SLC6A12: variants seen among roughly 807,000 people sequenced by gnomAD.
SLC6A12 encodes sodium- and chloride-dependent betaine transporter.
In SLC6A12, 50 loss-of-function variants were observed where a neutral mutation model predicts 73.3. The ratio of observed to expected loss-of-function variants is 0.68; its 90% CI spans 0.54 to 0.86. The LOEUF is 0.86. SLC6A12 is among the 40% of genes least tolerant of loss of function. The pLI is 0.00. For missense variants in SLC6A12, 648 were observed against 772.8 expected, an observed-to-expected ratio of 0.84 and a Z score of 1.92; for synonymous variants, 304 against 309.2, an observed-to-expected ratio of 0.98 and a Z score of 0.18.
In SLC6A12 at chr12:209,664, T is replaced by C. The variant is rs1272031798; in HGVS notation, c.214+109A>G. 7 of 1,188,956 alleles carry C rather than the reference T, an allele frequency of 5.9e-6. No homozygotes were observed. The East Asian group carries it at 1.4e-4, about 24-fold the overall frequency. 73.7% of individuals were successfully genotyped at this position (1,188,956 alleles called of 1,614,324 possible). ...AAACTCAAGTCCTCCAATTCCAAAA[T>C]AGCCCTCCTTTTATAAACCACACTG... On this transcript the variant is annotated intron_variant, in intron 3 of 15. Coordinates refer to ENST00000684302, the MANE Select transcript of SLC6A12 (RefSeq NM_001122848.3).
chr12:186,497 C>T (rs1939430185), downstream of SLC6A12, among the ~76,000 whole-genome samples: 1 of 152,226 alleles, frequency 6.6e-6, no homozygotes, highest in Non-Finnish European at 1.5e-5. Flanking sequence ...CTGGGCATTT[C>T]TGGCTCAGTG....
intron 3 of SLC6A12, chr12:205,227 A>C (rs1373353142): frequency 1.3e-5 from 2 of 154,260 alleles, no homozygotes; most frequent in Non-Finnish European, 2.9e-5. Flanking sequence ...CAGGTGCCAG[A>C]GGGAGGCCAG....
intron 5 of SLC6A12, among the ~76,000 whole-genome samples, chr12:202,212 T>C (rs901384208): frequency 6.6e-6 from 1 of 152,152 alleles, no homozygotes; most frequent in Non-Finnish European, 1.5e-5. Flanking sequence ...GCACCTGCTC[T>C]TCCCCCTGCT....
In SLC6A12 at chr12:213,785, G is replaced by T. The variant is rs1941000984; in HGVS notation, c.-143+137C>A. The T allele has an allele frequency of 6.5e-6, 1 of 152,688 alleles. No homozygotes were observed. Among genetic ancestry groups the T allele is most frequent in the African/African-American group, 2.4e-5 (1 of 41,458 alleles). 9.5% of individuals were successfully genotyped at this position (152,688 alleles called of 1,614,324 possible). A position where few individuals can be genotyped will look rare whatever the true frequency, so the allele number is the denominator to read the frequency against. The stretch of plus-strand genomic sequence containing the variant: ...CATCAGACTTGCCCTTTGGCCTGAG[G>T]TTATTGCAGGTCCTGCCCCCCGCTG... On this transcript the variant is annotated intron_variant, in intron 1 of 15. Transcript: ENST00000684302. The surrounding 1 kb of genome is among the most constrained non-coding windows in gnomAD (Gnocchi z 5.3).
At chr12:189,061 T>C (rs551372124), downstream of SLC6A12, among the ~76,000 whole-genome samples, 262 of 152,330 alleles carry the variant, frequency 1.7e-3, 2 homozygotes, top group African/African-American at 5.8e-3. Context: ...AAGAGGGCTG[T>C]GCGGTCCGCA....
At chr12:191,297 C>T in intron 15 of SLC6A12, 86 bp from the exon 16 acceptor site, 1 of 1,167,246 alleles carries the variant, frequency 8.6e-7, no homozygotes, top group Non-Finnish European at 1.1e-6. Flanking sequence ...GGGCCCAGCC[C>T]AGAGCGGAGC....
chr12:191,946 T>C (rs914080875), intron 15 of SLC6A12, among the ~76,000 whole-genome samples: 2 of 152,210 alleles, frequency 1.3e-5, no homozygotes, highest in African/African-American at 2.4e-5. Flanking sequence ...GGGTTTTCTA[T>C]TATTTATAGG....
downstream of SLC6A12, among the ~76,000 whole-genome samples, chr12:186,216 G>A (rs909805851): frequency 7.2e-5 from 11 of 152,102 alleles, no homozygotes; most frequent in Non-Finnish European, 1.5e-4. Context: ...TCTGGGAAGT[G>A]GCCACGACAG....
At chr12:187,635 AC>A (rs1176153858), downstream of SLC6A12, among the ~76,000 whole-genome samples, 2 of 69,144 alleles carry the variant, frequency 2.9e-5, no homozygotes, top group African/African-American at 5.1e-5. Flanking sequence ...AAAAAAACAA[AC>A]CACACACACA....
intron 3 of SLC6A12, 145 bp from the exon 4 acceptor site, chr12:204,843 G>T: frequency 1.2e-6 from 1 of 835,630 alleles, no homozygotes; most frequent in Non-Finnish European, 1.9e-6. Flanking sequence ...GCCCACTCCT[G>T]CCTGCGTGCA....
rs551143100 is a variant in SLC6A12, at chr12:208,876, C to G, written c.214+897G>C. Among the ~76,000 whole-genome samples, 7 of 152,118 alleles carry G rather than the reference C, an allele frequency of 4.6e-5. No homozygotes were observed. The South Asian group carries it at 1.5e-3, about 32-fold the overall frequency. Reference sequence around the variant, plus strand: ...CCACTGCTAATTTTTACACCCAGTGCTGAAAAATAATAAAATCATGTTTCT... The same window carrying G: ...CCACTGCTAATTTTTACACCCAGTGGTGAAAAATAATAAAATCATGTTTCT... On this transcript the variant is annotated intron_variant, in intron 3 of 15. Coordinates refer to ENST00000684302, the MANE Select transcript of SLC6A12 (RefSeq NM_001122848.3).
chr12:193,058 G>A, intron 14 of SLC6A12: 1 of 547,508 alleles, frequency 1.8e-6, no homozygotes, highest in East Asian at 2.9e-5. Flanking sequence ...AGGAAGGGAT[G>A]GAGCCGGAAG....
At chr12:211,754 T>A (rs499368) in intron 2 of SLC6A12, among the ~76,000 whole-genome samples, 77,801 of 152,018 alleles carry the variant, frequency 0.51, 20,122 homozygotes, top group African/African-American at 0.57. Context: ...AAAACACGCA[T>A]GAAAATGCAC....
Position 201,870 on chromosome 12 carries a change from G to A in SLC6A12, c.491-21C>T, listed in dbSNP as rs200145606. On this transcript the variant is annotated intron_variant, in intron 5 of 15. Coordinates refer to ENST00000684302, the MANE Select transcript of SLC6A12 (RefSeq NM_001122848.3). ...ATGCTCTGTTGGGGACAAGGTTAGG[G>A]ACAAGATGGAGAGAGATGCTCTTAT... 1.1e-5 allele frequency: 17 copies of A among 1,604,072 alleles called. No homozygotes were observed. The African/African-American group carries it at 1.9e-4, about 18-fold the overall frequency.
chr12:194,065 T>C (rs1939748254), intron 13 of SLC6A12: 1 of 152,054 alleles, frequency 6.6e-6, no homozygotes, highest in Non-Finnish European at 1.5e-5. Flanking sequence ...CCACCCAAAA[T>C]ACCTTCCCAC....
chr12:203,099 TTC>T (rs1226648823), intron 4 of SLC6A12, among the ~76,000 whole-genome samples: 1 of 148,322 alleles, frequency 6.7e-6, no homozygotes, highest in African/African-American at 2.5e-5. Flanking sequence ...TGGAGTCTTG[TTC>T]TGTTGTCCAG....
chr12:204,733 C>G, intron 3 of SLC6A12, 35 bp from the exon 4 acceptor site: 2 of 1,611,110 alleles, frequency 1.2e-6, no homozygotes, highest in Non-Finnish European at 1.7e-6. Context: ...TGAGCCACAC[C>G]CGGGCTCTTC....
chr12:200,231 C>A (rs1244187089), intron 7 of SLC6A12, among the ~76,000 whole-genome samples: 40 of 150,676 alleles, frequency 2.7e-4, no homozygotes, highest in African/African-American at 8.6e-4. Flanking sequence ...GCCTCAGCCT[C>A]CTGCATAGCT....
In SLC6A12 at chr12:209,801, A is replaced by G. The variant is rs763926536; in HGVS notation, c.186T>C (p.Phe62=). ...CTCCGTTTTTGTAGCAGAGATAGGGAAACCTCCAGACATTGCCCAGCCCAA... is the reference window on the plus strand; with the variant it reads ...CTCCGTTTTTGTAGCAGAGATAGGGGAACCTCCAGACATTGCCCAGCCCAA... ...EIIGLGNVWR[F]PYLCYKNGGG... Residue 62 remains phenylalanine (F), a synonymous_variant, in exon 3 of 16, where the codon TTT becomes TTC. Coordinates refer to ENST00000684302, the MANE Select transcript of SLC6A12 (RefSeq NM_001122848.3). 6.2e-7 allele frequency: 1 copy of G among 1,614,190 alleles called. No homozygotes were observed. The highest frequency in any genetic ancestry group is 1.1e-5 in the South Asian group (1 of 91,084).
Sources: allele counts gnomAD v4.1 joint callset (sites outside exome capture counted in the v4.1 genomes callset), GRCh38; gene constraint gnomAD v4.1.1; non-coding constraint Gnocchi (gnomAD v3.1); transcripts MANE v1.5; gene names NCBI Gene and HGNC (gene_info 2026-07-23, HGNC 2026-07-21).